Variants in KLRB1 observed in about 807,000 individuals in gnomAD.
KLRB1 encodes killer cell lectin like receptor B1.
Under a neutral mutation model 33.5 loss-of-function variants are expected in KLRB1, and 27 were observed. The ratio of observed to expected loss-of-function variants is 0.81; its 90% CI spans 0.59 to 1.11. The LOEUF is 1.11. KLRB1 is among the 50% of genes most tolerant of loss of function. The pLI, the probability that KLRB1 is intolerant of heterozygous loss-of-function variation, is 0.00. For synonymous variants in KLRB1, 64 were observed against 88.9 expected, an observed-to-expected ratio of 0.72 and a Z score of 1.58; for missense variants, 241 against 254.1, an observed-to-expected ratio of 0.95 and a Z score of 0.35.
intron 3 of KLRB1, 134 bp from the exon 4 acceptor site, chr12:9,598,787 T>C (rs1389120436): frequency 1.7e-6 from 1 of 572,102 alleles, no homozygotes; most frequent in Admixed American, 3.4e-5. Context: ...AACAATGAAT[T>C]TGTTATAAAG....
intron 1 of KLRB1, among the ~76,000 whole-genome samples, chr12:9,602,849 G>T (rs1335894191): frequency 1.3e-5 from 2 of 151,974 alleles, no homozygotes; most frequent in Non-Finnish European, 2.9e-5. Flanking sequence ...TTTCAGAACG[G>T]CCATGAAGCC....
intron 2 of KLRB1, 93 bp downstream of exon 2, chr12:9,601,408 T>G (rs1426200608): frequency 4.9e-6 from 4 of 818,184 alleles, no homozygotes; most frequent in Middle Eastern, 2.3e-4. Context: ...CACCCACAGG[T>G]GTGTAGGGGC....
At chr12:9,602,017 C>CT (rs1351196832) in intron 1 of KLRB1, among the ~76,000 whole-genome samples, 1 of 152,194 alleles carries the variant, frequency 6.6e-6, no homozygotes, top group Non-Finnish European at 1.5e-5. Context: ...GAGGCTCTCT[C>CT]TATTTTGTGC....
At chr12:9,601,655 T>G (rs1864544738) in intron 1 of KLRB1, 56 bp from the exon 2 acceptor site, 1 of 1,240,498 alleles carries the variant, frequency 8.1e-7, no homozygotes, top group East Asian at 2.4e-5. Context: ...ACAAAAAACC[T>G]TGGTTAACTC....
chr12:9,595,732 A>C (rs905745655), intron 5 of KLRB1, among the ~76,000 whole-genome samples: 11 of 152,348 alleles, frequency 7.2e-5, no homozygotes, highest in African/African-American at 2.4e-4. Context: ...AGGTCACATT[A>C]AAAATGTTTC....
At chr12:9,607,335 C>CTTTCTTCCTTCCTTCCTTTCTTTCTTT (rs1491505010) in intron 1 of KLRB1, among the ~76,000 whole-genome samples, 2 of 65,168 alleles carry the variant, frequency 3.1e-5, no homozygotes, top group African/African-American at 4.2e-5. Context: ...CTCTTTCTTT[C>CTTTCTTCCTTCCTTCCTTTCTTTCTTT]CTTTCTTTCT....
At chr12:9,607,619 G>A (rs1463218347) in intron 1 of KLRB1, 136 bp downstream of exon 1, 19 of 609,316 alleles carry the variant, frequency 3.1e-5, no homozygotes, top group Non-Finnish European at 5.3e-5. Context: ...CTACAGGCAA[G>A]CCATGCAACA....
Position 9,594,997 on chromosome 12 carries a change from A to G in KLRB1, c.*277T>C, listed in dbSNP as rs1864478898. 1 of 355,670 alleles carries G rather than the reference A, an allele frequency of 2.8e-6. No individual in the cohort carries two copies. Among genetic ancestry groups the G allele is most frequent in the East Asian group, 5.6e-5 (1 of 17,812 alleles). The allele number at this position is 355,670 out of a possible 1,614,324, so 22.0% of individuals were successfully genotyped here. A position where few individuals can be genotyped will look rare whatever the true frequency, so the allele number is the denominator to read the frequency against. ...TTTAAACACAAAACAATCATATACC[A>G]ATCTGGCATATTCGGGGACATCCTT... On this transcript the variant is annotated 3_prime_UTR_variant, in exon 6 of 6. Transcript: ENST00000229402.
rs374356742 is a variant in KLRB1, at chr12:9,603,716, G to A, written c.86-2117C>T. ...CTCCCAAAGTGCTGGGATTACATAC[G>A]TGAGCCACCGCACCCAGCCTAATTC... On this transcript the variant is annotated intron_variant, in intron 1 of 5. Coordinates refer to ENST00000229402, the MANE Select transcript of KLRB1 (RefSeq NM_002258.3). Among the ~76,000 whole-genome samples, 13 of 151,420 alleles carry A rather than the reference G, an allele frequency of 8.6e-5. No homozygotes were observed. The East Asian group carries it at 2.1e-3, about 25-fold the overall frequency.
At chr12:9,604,077 A>T (rs1320822581) in intron 1 of KLRB1, among the ~76,000 whole-genome samples, 1 of 151,630 alleles carries the variant, frequency 6.6e-6, no homozygotes, top group Non-Finnish European at 1.5e-5. Flanking sequence ...ATCGTTATTC[A>T]TTCATGCTAA....
At chr12:9,602,666 T>C (rs1002395922) in intron 1 of KLRB1, among the ~76,000 whole-genome samples, 9 of 152,186 alleles carry the variant, frequency 5.9e-5, no homozygotes, top group African/African-American at 2.2e-4. Flanking sequence ...AGCTAGGAGC[T>C]TTTATGAATA....
intron 1 of KLRB1, among the ~76,000 whole-genome samples, chr12:9,605,484 C>T (rs1864589358): frequency 6.6e-6 from 1 of 152,212 alleles, no homozygotes; most frequent in African/African-American, 2.4e-5. Context: ...CTATTTTGTT[C>T]ACTGCTGTAT....
At chr12:9,605,217 T>G in intron 1 of KLRB1, among the ~76,000 whole-genome samples, 1 of 152,246 alleles carries the variant, frequency 6.6e-6, no homozygotes, top group East Asian at 1.9e-4. Flanking sequence ...TGTGCCACAT[T>G]TTCTCAATCC....
intron 1 of KLRB1, among the ~76,000 whole-genome samples, chr12:9,604,675 A>G (rs1864580873): frequency 6.6e-6 from 1 of 152,136 alleles, no homozygotes; most frequent in Non-Finnish European, 1.5e-5. Flanking sequence ...ACTCAATGTC[A>G]TCTTCTCAGG....
Position 9,607,335 on chromosome 12 carries a change from C to CCTTTCTTTCTTCCTTTCTTT in KLRB1, c.85+419_85+420insAAAGAAAGGAAGAAAGAAAG, listed in dbSNP as rs1864622244. Among the ~76,000 whole-genome samples the CCTTTCTTTCTTCCTTTCTTT allele has an allele frequency of 6.9e-4, 45 of 65,258 alleles. 1 individual carries two copies. Among genetic ancestry groups the CCTTTCTTTCTTCCTTTCTTT allele is most frequent in the African/African-American group, 1.9e-3 (45 of 23,980 alleles). The allele number at this position is 65,258 out of a possible 152,430, so 42.8% of individuals were successfully genotyped here. ...TTTCTTCTTTTCTTTCTCTTTCTTT[C>CCTTTCTTTCTTCCTTTCTTT]CTTTCTTTCTTTCTTTCTTCCTTTC... is the stretch of plus-strand genomic sequence containing the variant. On this transcript the variant is annotated intron_variant, in intron 1 of 5. Coordinates refer to ENST00000229402, the MANE Select transcript of KLRB1 (RefSeq NM_002258.3).
At chr12:9,605,065 A>G (rs1864584970) in intron 1 of KLRB1, among the ~76,000 whole-genome samples, 1 of 152,034 alleles carries the variant, frequency 6.6e-6, no homozygotes, top group Non-Finnish European at 1.5e-5. Flanking sequence ...TTCAATTCCC[A>G]CTATGAGTGA....
At position 9,594,747 on chromosome 12, in the gene KLRB1, G is replaced by GAT; in HGVS notation, c.*525_*526dup. ...AAATTTTCTAGAGGAGTCACTAGGA[G>GAT]ATATATTGGTTGCGGGGGGCTGTAA... On this transcript the variant is annotated 3_prime_UTR_variant, in exon 6 of 6. Transcript: ENST00000229402. 1 of 149,550 alleles carries GAT rather than the reference G, an allele frequency of 6.7e-6. No homozygotes were observed. The highest frequency in any genetic ancestry group is 1.9e-4 in the East Asian group (1 of 5,194). 9.3% of individuals were successfully genotyped at this position (149,550 alleles called of 1,614,324 possible). A position where few individuals can be genotyped will look rare whatever the true frequency, so the allele number is the denominator to read the frequency against.
chr12:9,600,243 CTG>C (rs1864526542), intron 2 of KLRB1, among the ~76,000 whole-genome samples: 1 of 152,076 alleles, frequency 6.6e-6, no homozygotes, highest in African/African-American at 2.4e-5. Flanking sequence ...CCATAAATAA[CTG>C]GAAATTTTTC....
At chr12:9,607,415 T>TTCTTTTCTTTTCTTTTCTTTTCTTTTTG (rs1591659491) in intron 1 of KLRB1, among the ~76,000 whole-genome samples, 4 of 103,284 alleles carry the variant, frequency 3.9e-5, no homozygotes, top group Admixed American at 9.7e-5. Flanking sequence ...TTTTCTTTCT[T>TTCTTTTCTTTTCTTTTCTTTTCTTTTTG]TCTTTCTTTC....
Sources: allele counts gnomAD v4.1 joint callset (sites outside exome capture counted in the v4.1 genomes callset), GRCh38; gene constraint gnomAD v4.1.1; transcripts MANE v1.5; gene names NCBI Gene and HGNC (gene_info 2026-07-23, HGNC 2026-07-21).